Variants in PSG11 observed in about 807,000 individuals in gnomAD.
The protein encoded by PSG11 is pregnancy specific beta-1-glycoprotein 11.
In PSG11, 42 loss-of-function variants were observed where a neutral mutation model predicts 36.0. The ratio of observed to expected loss-of-function variants is 1.17; its 90% CI spans 0.91 to 1.51. PSG11 has a LOEUF of 1.51. Ranked by LOEUF, PSG11 falls within the 40% of genes most tolerant of loss-of-function variation. PSG11 has a pLI of 0.00. For missense variants in PSG11, 558 were observed against 403.5 expected (o/e 1.38, Z -3.28); for synonymous variants, 206 against 153.5 (o/e 1.34, Z -2.53).
At position 43,026,016 on chromosome 19, in the gene PSG11, A is replaced by T. The variant is rs1205561008; in HGVS notation, c.64+293T>A. ...GCGTGCAGTGGCACTATCTCAGCTCACTGCAACTTCCGCCACCCTGGTTCA... is the reference window on the plus strand; with the variant it reads ...GCGTGCAGTGGCACTATCTCAGCTCTCTGCAACTTCCGCCACCCTGGTTCA... On this transcript the variant is annotated intron_variant, in intron 1 of 5. Coordinates refer to ENST00000320078, the MANE Select transcript of PSG11 (RefSeq NM_002785.3). Among the ~76,000 whole-genome samples the T allele has an allele frequency of 2.3e-5, 3 of 129,048 alleles. No homozygotes were observed. In the East Asian group the frequency reaches 7.0e-4, roughly 30 times the overall value. The allele number at this position is 129,048 out of a possible 152,430, so 84.7% of individuals were successfully genotyped here. A position where few individuals can be genotyped will look rare whatever the true frequency, so the allele number is the denominator to read the frequency against.
chr19:43,017,367 A>T (rs894506547), intron 3 of PSG11: 1 of 151,522 alleles, frequency 6.6e-6, no homozygotes, highest in African/African-American at 2.4e-5. Context: ...AGTAGACAAA[A>T]GTGGGAAGTG....
chr19:43,014,622 G>T, intron 4 of PSG11: 1 of 1,059,308 alleles, frequency 9.4e-7, no homozygotes, highest in East Asian at 6.2e-5. Context: ...CCAGTCACCA[G>T]AGGAGCCCGG....
intron 2 of PSG11, among the ~76,000 whole-genome samples, chr19:43,020,344 T>G (rs535138749): frequency 6.6e-6 from 1 of 151,548 alleles, no homozygotes; most frequent in African/African-American, 2.4e-5. Context: ...AGCACTTCTT[T>G]TTAGCATCAC....
chr19:43,008,497 G>T (rs891968853), intron 5 of PSG11, among the ~76,000 whole-genome samples: 2 of 150,998 alleles, frequency 1.3e-5, no homozygotes, highest in Admixed American at 6.6e-5. Context: ...AGGAAGGTCT[G>T]GATCTCCTGA....
chr19:43,013,948 T>A (rs760735573), intron 4 of PSG11: 2 of 151,386 alleles, frequency 1.3e-5, no homozygotes, highest in Non-Finnish European at 2.9e-5. Flanking sequence ...TAACAAGGAA[T>A]AAAATTCCAA....
Position 43,018,755 on chromosome 19 carries a change from A to G in PSG11, c.709+15T>C. On this transcript the variant is annotated intron_variant, in intron 3 of 5. Transcript: ENST00000320078. ...GGATGGCAGCCTGGCTCACAGAGGA[A>G]CAGAAGATACTCACGGAGGAGATTC... 1 of 1,612,098 alleles carries G rather than the reference A, an allele frequency of 6.2e-7. No individual in the cohort carries two copies. The highest frequency in any genetic ancestry group is 8.5e-7 in the Non-Finnish European group (1 of 1,179,050).
At chr19:43,014,737 C>G (rs1029807516) in intron 4 of PSG11, 6 of 1,229,946 alleles carry the variant, frequency 4.9e-6, no homozygotes, top group Non-Finnish European at 6.3e-6. Context: ...TCAGATGTTC[C>G]TTGTAGTTCA....
Position 43,009,921 on chromosome 19 carries a change from C to T in PSG11, c.*40+37G>A, listed in dbSNP as rs1439741071. On this transcript the variant is annotated intron_variant, in intron 5 of 5. Transcript: ENST00000320078. ...CCCTCTCCCAAGCATGGCAGTCAGC[C>T]CTGCAGGAACCAGGATAAGAGAAAA... The T allele has an allele frequency of 1.4e-5, 20 of 1,471,952 alleles. 1 individual carries two copies. In the African/African-American group the frequency reaches 1.7e-4, roughly 12 times the overall value. The allele number at this position is 1,471,952 out of a possible 1,614,324, so 91.2% of individuals were successfully genotyped here.
At chr19:43,021,357 G>A (rs750604550) in intron 2 of PSG11, among the ~76,000 whole-genome samples, 6 of 151,088 alleles carry the variant, frequency 4.0e-5, no homozygotes, top group Non-Finnish European at 7.4e-5. Context: ...TTCTCTTACA[G>A]CATTTTTATT....
rs1030967215 is a variant in PSG11 at position 43,018,555 on chromosome 19, C to G, written c.709+215G>C. 1.1e-4 allele frequency: 125 copies of G among 1,145,018 alleles called. 2 individuals carry two copies. The highest frequency in any genetic ancestry group is 4.7e-4 in the African/African-American group (30 of 63,744). 70.9% of individuals were successfully genotyped at this position (1,145,018 alleles called of 1,614,324 possible). ...GTTTCTCCCATCACAATCTGTGGAC[C>G]CTGAGCCTCCCATGACAGGAGCAGC... On this transcript the variant is annotated intron_variant, in intron 3 of 5. Transcript: ENST00000320078.
In PSG11 at chr19:43,026,367, C is replaced by A. The variant is rs137969445; in HGVS notation, c.6G>T (p.Gly2=). Residue 2 remains glycine (G), a synonymous_variant, in exon 1 of 6, where the codon GGG becomes GGT. Transcript: ENST00000320078. M[G]PLSAPPCTEH... Reference sequence around the variant, plus strand: ...CTGTGCAGGGAGGGGCTGAGAGGGGCCCCATGATCTCTGCTGCGTGCATGT... The same window carrying A: ...CTGTGCAGGGAGGGGCTGAGAGGGGACCCATGATCTCTGCTGCGTGCATGT... 1.9e-6 allele frequency: 3 copies of A among 1,609,814 alleles called. No homozygotes were observed. The African/African-American group carries it at 4.0e-5, about 22-fold the overall frequency.
chr19:43,015,783 G>A, intron 3 of PSG11: 1 of 1,610,406 alleles, frequency 6.2e-7, no homozygotes, highest in Non-Finnish European at 8.5e-7. Flanking sequence ...CATTCAGGGT[G>A]ACTGAGTCAC....
At chr19:43,016,514 A>AAACCCTG (rs1966971071) in intron 3 of PSG11, among the ~76,000 whole-genome samples, 1 of 151,476 alleles carries the variant, frequency 6.6e-6, no homozygotes, top group African/African-American at 2.4e-5. Flanking sequence ...CATTGTCCTG[A>AAACCCTG]AACCCTGAAG....
chr19:43,024,508 A>G (rs1197034464), intron 2 of PSG11, 183 bp downstream of exon 2: 23 of 1,179,480 alleles, frequency 2.0e-5, no homozygotes, highest in Non-Finnish European at 2.8e-5. Flanking sequence ...GGATGCGGGA[A>G]AGGAATTCTG....
intron 2 of PSG11, among the ~76,000 whole-genome samples, chr19:43,024,156 G>A (rs569903577): frequency 4.0e-5 from 6 of 151,492 alleles, no homozygotes; most frequent in East Asian, 1.9e-4. Flanking sequence ...GCTGAGCCCT[G>A]GCTGGTGAAC....
At chr19:43,025,936 CTTT>C (rs1195259262) in intron 1 of PSG11, among the ~76,000 whole-genome samples, 25 of 68,144 alleles carry the variant, frequency 3.7e-4, no homozygotes, top group African/African-American at 1.4e-3. Context: ...TTTTTTTTCT[CTTT>C]TTTTTTTTTT....
At position 43,015,232 on chromosome 19, in the gene PSG11, C is replaced by A; in HGVS notation, c.848G>T (p.Gly283Val). 1 of 1,611,606 alleles carries A rather than the reference C, an allele frequency of 6.2e-7. No homozygotes were observed. The highest frequency in any genetic ancestry group is 1.3e-5 in the African/African-American group (1 of 74,496). ...AATCTGAGGGATAAAGAGCTTTTGT[C>A]CTGATAGCTGAAACTTCCCATTAAT... ...WTINGKFQLSGQKLFIPQITP... is the reference protein window; with the variant it reads ...WTINGKFQLSVQKLFIPQITP... Residue 283 changes from glycine (G) to valine (V), a missense_variant, in exon 4 of 6, where the codon GGA becomes GTA. Transcript: ENST00000320078.
chr19:43,020,181 C>A (rs560630644), intron 2 of PSG11, among the ~76,000 whole-genome samples: 1 of 151,380 alleles, frequency 6.6e-6, no homozygotes, highest in South Asian at 2.1e-4. Context: ...CAGATTCATG[C>A]CTATAGTTCA....
intron 4 of PSG11, among the ~76,000 whole-genome samples, chr19:43,013,573 A>G (rs1050328605): frequency 6.6e-6 from 1 of 151,250 alleles, no homozygotes; most frequent in Admixed American, 6.6e-5. Flanking sequence ...CACCTCACAA[A>G]ATTTAGGATG....
Sources: allele counts gnomAD v4.1 joint callset (sites outside exome capture counted in the v4.1 genomes callset), GRCh38; gene constraint gnomAD v4.1.1; transcripts MANE v1.5; gene names NCBI Gene and HGNC (gene_info 2026-07-23, HGNC 2026-07-21).